The following PRKN variants were observed in gnomAD, a reference collection of about 807,000 sequenced individuals.
PRKN encodes the protein E3 ubiquitin-protein ligase parkin.
In PRKN, 56 loss-of-function variants were observed where a neutral mutation model predicts 59.5. That is an observed-to-expected ratio of 0.94 (90% CI 0.76 to 1.18). The LOEUF is 1.18. Among genes scored for constraint, PRKN ranks in the 50% most tolerant of loss-of-function variants. PRKN has a pLI of 0.00. For missense variants in PRKN, 657 were observed against 596.4 expected, an observed-to-expected ratio of 1.10 and a Z score of -1.06; for synonymous variants, 250 against 222.1, an observed-to-expected ratio of 1.13 and a Z score of -1.12.
intron 7 of PRKN, among the ~76,000 whole-genome samples, chr6:161,611,032 A>G (rs1289169342): frequency 6.6e-6 from 1 of 152,238 alleles, no homozygotes; most frequent in Admixed American, 6.5e-5. Context: ...GCCCTGAAAC[A>G]GGAGCTTGAA....
At chr6:161,848,916 G>A (rs998853129) in intron 6 of PRKN, among the ~76,000 whole-genome samples, 2 of 152,186 alleles carry the variant, frequency 1.3e-5, no homozygotes, top group Admixed American at 6.5e-5. Context: ...CAAGACCCAG[G>A]AGCCTGCTTT....
chr6:162,447,500 C>T (rs1790375910), intron 1 of PRKN, among the ~76,000 whole-genome samples: 1 of 152,066 alleles, frequency 6.6e-6, no homozygotes, highest in Non-Finnish European at 1.5e-5. Flanking sequence ...TATCAATCAA[C>T]ATCATAATGC....
At chr6:161,737,163 G>A (rs549715944) in intron 7 of PRKN, among the ~76,000 whole-genome samples, 1 of 152,338 alleles carries the variant, frequency 6.6e-6, no homozygotes, top group Admixed American at 6.5e-5. Context: ...AGGTGCACAG[G>A]AAGAGGAGGG....
intron 2 of PRKN, among the ~76,000 whole-genome samples, chr6:162,330,041 C>A (rs1783502696): frequency 6.6e-6 from 1 of 152,172 alleles, no homozygotes; most frequent in Non-Finnish European, 1.5e-5. Flanking sequence ...ATGAATAGCT[C>A]TACGTCTTAG....
At chr6:161,574,048 G>C (rs1230254070) in intron 7 of PRKN, among the ~76,000 whole-genome samples, 2 of 151,648 alleles carry the variant, frequency 1.3e-5, no homozygotes, top group African/African-American at 4.8e-5. Context: ...TGAAACACCT[G>C]GTAGGTTCAA....
At chr6:162,368,881 A>G (rs2023079) in intron 2 of PRKN, among the ~76,000 whole-genome samples, 58,349 of 152,054 alleles carry the variant, frequency 0.38, 11,861 homozygotes, top group East Asian at 0.75. Context: ...TAGGCTACTT[A>G]TAATATTGGC....
intron 4 of PRKN, among the ~76,000 whole-genome samples, chr6:162,074,258 G>T (rs10806754): frequency 0.8 from 88,307 of 111,074 alleles, 35,593 homozygotes; most frequent in Admixed American, 0.84. Context: ...TAGACTGGAT[G>T]AAGAAAATGT....
In PRKN at chr6:161,488,769, G is replaced by A. The variant is rs1217174399; in HGVS notation, c.1083+60085C>T. Among the ~76,000 whole-genome samples, 1 of 152,028 alleles carries A rather than the reference G, an allele frequency of 6.6e-6. No individual in the cohort carries two copies. Among genetic ancestry groups the A allele is most frequent in the African/African-American group, 2.4e-5 (1 of 41,374 alleles). Reference sequence around the variant, plus strand: ...TGAAGTGTTGGGATTACAGGCGTAAGCCACCACACCTGGCATAACAAGGAA... The same window carrying A: ...TGAAGTGTTGGGATTACAGGCGTAAACCACCACACCTGGCATAACAAGGAA... On this transcript the variant is annotated intron_variant, in intron 9 of 11. Coordinates refer to ENST00000366898, the MANE Select transcript of PRKN (RefSeq NM_004562.3). The surrounding 1 kb of genome is among the most constrained non-coding windows in gnomAD (Gnocchi z 4.5).
Position 161,560,730 on chromosome 6 carries a change from A to G in PRKN, c.933+8625T>C, listed in dbSNP as rs1389015683. On this transcript the variant is annotated intron_variant, in intron 8 of 11. Coordinates refer to ENST00000366898, the MANE Select transcript of PRKN (RefSeq NM_004562.3). This position sits in a 1 kb window ranked among gnomAD's most constrained non-coding sequence, Gnocchi z 4.9. ...TGTCTCTTTCTGATGATCACCTCTTATCTTTCCAAATCTCTTGCTAAAGTA... is the reference window on the plus strand; with the variant it reads ...TGTCTCTTTCTGATGATCACCTCTTGTCTTTCCAAATCTCTTGCTAAAGTA... Among the ~76,000 whole-genome samples the G allele has an allele frequency of 2.6e-5, 4 of 152,112 alleles. No homozygotes were observed. Among genetic ancestry groups the G allele is most frequent in the Non-Finnish European group, 4.4e-5 (3 of 68,016 alleles).
chr6:161,679,522 T>G (rs1027311076), intron 7 of PRKN, among the ~76,000 whole-genome samples: 24 of 150,990 alleles, frequency 1.6e-4, no homozygotes, highest in African/African-American at 5.6e-4. Flanking sequence ...TACTTCCCGC[T>G]TGGGCTCTTT....
At chr6:161,406,574 T>C (rs979806973) in intron 9 of PRKN, among the ~76,000 whole-genome samples, 2 of 152,122 alleles carry the variant, frequency 1.3e-5, no homozygotes, top group Admixed American at 6.6e-5. Flanking sequence ...CAATGCTCTA[T>C]ATAGCACAAC....
At chr6:162,339,899 C>T (rs1267325300) in intron 2 of PRKN, among the ~76,000 whole-genome samples, 5 of 148,576 alleles carry the variant, frequency 3.4e-5, no homozygotes, top group East Asian at 2.0e-4. Context: ...GGATTAAGGG[C>T]GGTGCAAGAT....
intron 7 of PRKN, among the ~76,000 whole-genome samples, chr6:161,702,185 G>T (rs779891587): frequency 2.6e-5 from 4 of 152,136 alleles, no homozygotes; most frequent in Non-Finnish European, 5.9e-5. Context: ...TTCTATAATA[G>T]TAAAAATGCC....
intron 6 of PRKN, among the ~76,000 whole-genome samples, chr6:161,936,238 C>T (rs865876502): frequency 1.4e-5 from 2 of 147,074 alleles, no homozygotes; most frequent in South Asian, 4.3e-4. Context: ...GAGACAGAGT[C>T]TCGCTCTGTC....
intron 1 of PRKN, among the ~76,000 whole-genome samples, chr6:162,532,928 C>T (rs959812302): frequency 7.2e-5 from 11 of 152,186 alleles, no homozygotes; most frequent in Admixed American, 3.3e-4. Context: ...CATTCTAAGT[C>T]GCCTTTAATA....
At chr6:161,521,526 C>A (rs932532922) in intron 9 of PRKN, among the ~76,000 whole-genome samples, 2 of 152,174 alleles carry the variant, frequency 1.3e-5, no homozygotes, top group Non-Finnish European at 2.9e-5. Flanking sequence ...GAGCAAAAAC[C>A]TGAATAAACT....
intron 1 of PRKN, among the ~76,000 whole-genome samples, chr6:162,665,602 T>C (rs1779071272): frequency 6.6e-6 from 1 of 152,174 alleles, no homozygotes; most frequent in African/African-American, 2.4e-5. Context: ...AAAATGGCCA[T>C]ACTTCCCAAA....
At chr6:162,299,478 G>A (rs1562651200) in intron 2 of PRKN, among the ~76,000 whole-genome samples, 1 of 152,108 alleles carries the variant, frequency 6.6e-6, no homozygotes, top group East Asian at 1.9e-4. Context: ...GTGCACCCAA[G>A]TGTTCAGTGG....
chr6:162,089,215 A>G (rs987974278), intron 4 of PRKN, among the ~76,000 whole-genome samples: 2 of 152,164 alleles, frequency 1.3e-5, no homozygotes, highest in Non-Finnish European at 2.9e-5. Flanking sequence ...AAGACAAATA[A>G]CCCAATTAAA....
Sources: gnomAD v4.1 joint callset for allele counts (sites outside exome capture counted in the v4.1 genomes callset) on GRCh38, gnomAD v4.1.1 for gene constraint, Gnocchi (gnomAD v3.1) non-coding constraint, MANE v1.5 for transcripts, NCBI Gene and HGNC (gene_info 2026-07-23, HGNC 2026-07-21) for gene names.